The following C12orf42 variants were observed in gnomAD, a reference collection of about 807,000 sequenced individuals.
C12orf42 encodes uncharacterized protein C12orf42.
A neutral mutation model predicts 21.6 loss-of-function variants in C12orf42; 25 were observed. The ratio of observed to expected loss-of-function variants is 1.16; its 90% CI spans 0.84 to 1.62. C12orf42 has a LOEUF of 1.62. C12orf42 is among the 40% of genes most tolerant of loss of function. The pLI is 0.00. For synonymous variants in C12orf42, 174 were observed against 175.0 expected, an observed-to-expected ratio of 0.99 and a Z score of 0.05; for missense variants, 483 against 459.3, an observed-to-expected ratio of 1.05 and a Z score of -0.47.
the C12orf42 span, among the ~76,000 whole-genome samples, chr12:103,190,790 A>C: frequency 6.6e-6 from 1 of 152,216 alleles, no homozygotes; most frequent in Non-Finnish European, 1.5e-5. Context: ...ACCAATGTAC[A>C]TATTATGGAA....
intron 4 of C12orf42, among the ~76,000 whole-genome samples, chr12:103,325,318 A>G (rs527937230): frequency 2.2e-4 from 34 of 152,340 alleles, no homozygotes; most frequent in African/African-American, 8.2e-4. Context: ...TGATGCTTAC[A>G]GACCTTAGGC....
intron 4 of C12orf42, among the ~76,000 whole-genome samples, chr12:103,326,548 C>T (rs2040729983): frequency 6.6e-6 from 1 of 152,226 alleles, no homozygotes; most frequent in African/African-American, 2.4e-5. Flanking sequence ...TTACCACCCT[C>T]TGCCTTTTGC....
intron 4 of C12orf42, among the ~76,000 whole-genome samples, chr12:103,338,224 T>C (rs1201501851): frequency 6.6e-6 from 1 of 152,360 alleles, no homozygotes; most frequent in East Asian, 1.9e-4. Flanking sequence ...TCATATGCAG[T>C]GGTACAGCCA....
chr12:103,377,205 G>GT (rs1231180529), intron 3 of C12orf42, among the ~76,000 whole-genome samples: 3 of 151,926 alleles, frequency 2.0e-5, no homozygotes, highest in African/African-American at 7.3e-5. Flanking sequence ...TCCCTGTGTA[G>GT]TTTCAGTGTC....
chr12:103,512,673 A>T, the C12orf42 span, among the ~76,000 whole-genome samples: 1 of 152,048 alleles, frequency 6.6e-6, no homozygotes, highest in Non-Finnish European at 1.5e-5. Context: ...ACTCGTAAGG[A>T]TTGCTGTTGT....
chr12:103,242,479 T>C (rs572934231), intron 10 of C12orf42, among the ~76,000 whole-genome samples: 2 of 152,298 alleles, frequency 1.3e-5, no homozygotes, highest in Admixed American at 6.5e-5. Context: ...CTGTGAAATA[T>C]TGTTTTTAAT....
intron 2 of C12orf42, among the ~76,000 whole-genome samples, chr12:103,436,463 G>C (rs1257569283): frequency 6.6e-6 from 1 of 151,910 alleles, no homozygotes; most frequent in Non-Finnish European, 1.5e-5. Context: ...TGGCAAATTG[G>C]ATAAAGAGTC....
intron 10 of C12orf42, among the ~76,000 whole-genome samples, chr12:103,246,938 T>G (rs1398215052): frequency 6.6e-6 from 1 of 152,126 alleles, no homozygotes; most frequent in Non-Finnish European, 1.5e-5. Context: ...GCTTCATTTT[T>G]AATATGCATA....
intron 4 of C12orf42, among the ~76,000 whole-genome samples, chr12:103,355,503 C>G (rs1166221645): frequency 6.6e-6 from 1 of 152,070 alleles, no homozygotes; most frequent in Non-Finnish European, 1.5e-5. Flanking sequence ...TGTTGACCAT[C>G]CAGGTTCTCA....
At chr12:103,302,674 G>T in intron 5 of C12orf42, 115 bp from the exon 6 acceptor site, 1 of 780,636 alleles carries the variant, frequency 1.3e-6, no homozygotes, top group Non-Finnish European at 1.9e-6. Context: ...GTGCTCAGAG[G>T]GGAAAGAAAA....
chr12:103,086,934 C>T, the C12orf42 span, among the ~76,000 whole-genome samples: 1 of 152,116 alleles, frequency 6.6e-6, no homozygotes, highest in African/African-American at 2.4e-5. Flanking sequence ...TTGCTTTCCT[C>T]TGTTACAGCA....
intron 2 of C12orf42, among the ~76,000 whole-genome samples, chr12:103,424,747 G>A (rs1467869388): frequency 6.6e-6 from 1 of 152,190 alleles, no homozygotes; most frequent in Non-Finnish European, 1.5e-5. Context: ...GCAGCCGTTT[G>A]GGCAAACACC....
intron 2 of C12orf42, among the ~76,000 whole-genome samples, chr12:103,403,776 C>A (rs1467335050): frequency 6.6e-6 from 1 of 152,224 alleles, no homozygotes; most frequent in Non-Finnish European, 1.5e-5. Flanking sequence ...CTCACTCGAA[C>A]CATGTACATT....
At chr12:103,122,617 C>T in the C12orf42 span, among the ~76,000 whole-genome samples, 2 of 152,064 alleles carry the variant, frequency 1.3e-5, 1 homozygote, top group Admixed American at 1.3e-4. Flanking sequence ...GAGAGCAAGT[C>T]ATACAGCTAT....
At chr12:103,082,773 C>T in the C12orf42 span, among the ~76,000 whole-genome samples, 5,049 of 152,216 alleles carry the variant, frequency 0.033, 261 homozygotes, top group African/African-American at 0.11. Flanking sequence ...AGAAAATGAT[C>T]AAAGAAGCTG....
intron 2 of C12orf42, among the ~76,000 whole-genome samples, chr12:103,412,664 C>T (rs2048952275): frequency 6.6e-6 from 1 of 152,160 alleles, no homozygotes. Context: ...CTGCTTTCTA[C>T]AGTCTGAGAT....
the C12orf42 span, among the ~76,000 whole-genome samples, chr12:103,222,998 T>A: frequency 2.6e-5 from 4 of 152,040 alleles, no homozygotes; most frequent in African/African-American, 9.7e-5. Flanking sequence ...CATAATCTCA[T>A]TCCATTCATT....
chr12:103,256,517 A>C (rs968043614), intron 10 of C12orf42, among the ~76,000 whole-genome samples: 4 of 152,010 alleles, frequency 2.6e-5, no homozygotes, highest in African/African-American at 9.7e-5. Context: ...AGGTGAATGG[A>C]TCCCCGTAAT....
chr12:103,423,255 C>T (rs1205697096), intron 2 of C12orf42, among the ~76,000 whole-genome samples: 4 of 152,106 alleles, frequency 2.6e-5, no homozygotes, highest in Non-Finnish European at 4.4e-5. Flanking sequence ...ATTTGTGGGC[C>T]CTCCCCCCCT....
Sources: gnomAD v4.1 joint callset for allele counts (sites outside exome capture counted in the v4.1 genomes callset) on GRCh38, gnomAD v4.1.1 for gene constraint, MANE v1.5 for transcripts, NCBI Gene and HGNC (gene_info 2026-07-23, HGNC 2026-07-21) for gene names.